The following VPS35L variants were observed in gnomAD, a reference collection of about 807,000 sequenced individuals.
The protein encoded by VPS35L is VPS35 endosomal protein-sorting factor-like.
A neutral mutation model predicts 133.0 loss-of-function variants in VPS35L; 83 were observed. The observed-to-expected ratio is 0.62, with a 90% CI of 0.52 to 0.75. The LOEUF (loss-of-function observed/expected upper bound fraction) is 0.75, where lower values mean the gene tolerates loss of function less well. Ranked by LOEUF, VPS35L falls within the 30% of genes least tolerant of loss-of-function variation. VPS35L has a pLI of 0.00. For missense variants in VPS35L, 1,083 were observed against 1,206.8 expected, an observed-to-expected ratio of 0.90 and a Z score of 1.52; for synonymous variants, 423 against 449.9, an observed-to-expected ratio of 0.94 and a Z score of 0.76.
intron 7 of VPS35L, among the ~76,000 whole-genome samples, chr16:19,589,507 A>T (rs1597335025): frequency 6.6e-6 from 1 of 152,078 alleles, no homozygotes; most frequent in African/African-American, 2.4e-5. Context: ...AGCCTCCCAA[A>T]GTGCTGGGAT....
At chr16:19,636,284 T>G (rs1419296061) in intron 19 of VPS35L, among the ~76,000 whole-genome samples, 1 of 152,202 alleles carries the variant, frequency 6.6e-6, no homozygotes, top group Non-Finnish European at 1.5e-5. Flanking sequence ...ATAAAGTAAA[T>G]GTATTAAATT....
chr16:19,648,891 A>C (rs1974037424), intron 24 of VPS35L, among the ~76,000 whole-genome samples: 1 of 150,870 alleles, frequency 6.6e-6, no homozygotes, highest in African/African-American at 2.5e-5. Flanking sequence ...AAAAAAAAAA[A>C]AAAAAGTTAG....
At chr16:19,695,080 T>C (rs1342503076) in intron 29 of VPS35L, among the ~76,000 whole-genome samples, 1 of 152,120 alleles carries the variant, frequency 6.6e-6, no homozygotes, top group Non-Finnish European at 1.5e-5. Context: ...TGCTGCGGAT[T>C]CTGGGCGTAA....
chr16:19,682,599 C>T (rs775288315), intron 28 of VPS35L, among the ~76,000 whole-genome samples: 3 of 152,322 alleles, frequency 2.0e-5, no homozygotes, highest in Non-Finnish European at 2.9e-5. Flanking sequence ...CAGTGGCCCA[C>T]GCCTGTAATC....
intron 2 of VPS35L, among the ~76,000 whole-genome samples, chr16:19,566,258 G>A (rs1425011187): frequency 6.6e-6 from 1 of 152,182 alleles, no homozygotes; most frequent in Non-Finnish European, 1.5e-5. Context: ...CACTTTGGGA[G>A]GCTGAAGTGG....
Position 19,581,524 on chromosome 16 carries a change from G to C in VPS35L, c.511-1G>C. ...CTTCACCTTCTGCCTTCTCCCCACA[G>C]GGTTCCCAAAAGGAGCTGTTGAACT... is the stretch of plus-strand genomic sequence containing the variant. On this transcript the variant is annotated splice_acceptor_variant, in intron 6 of 30. Transcript: ENST00000417362. LOFTEE classifies it high-confidence loss of function. 1 of 1,595,952 alleles carries C rather than the reference G, an allele frequency of 6.3e-7. No individual in the cohort carries two copies. Among genetic ancestry groups the C allele is most frequent in the South Asian group, 1.1e-5 (1 of 88,832 alleles).
At chr16:19,595,971 T>C (rs373406229) in intron 8 of VPS35L, among the ~76,000 whole-genome samples, 20 of 152,038 alleles carry the variant, frequency 1.3e-4, no homozygotes, top group Non-Finnish European at 1.9e-4. Context: ...TGGTGAAACC[T>C]CGTCTCTACT....
In VPS35L at chr16:19,573,165, G is replaced by C; in HGVS notation, c.332G>C (p.Gly111Ala). 5 of 1,613,944 alleles carry C rather than the reference G, an allele frequency of 3.1e-6. No individual in the cohort carries two copies. Among genetic ancestry groups the C allele is most frequent in the Middle Eastern group, 1.7e-4 (1 of 6,060 alleles). ...KRDRDDNSVV[G>A]SDFEPWTNKR... Reference sequence around the variant, plus strand: ...GATAGAGATGATAACTCCGTTGTAGGATCGGATTTTGAGCCTTGGACCAAC... The same window carrying C: ...GATAGAGATGATAACTCCGTTGTAGCATCGGATTTTGAGCCTTGGACCAAC... Residue 111 changes from glycine to alanine, a missense_variant, in exon 4 of 31, where the codon GGA becomes GCA. Coordinates refer to ENST00000417362, the MANE Select transcript of VPS35L (RefSeq NM_020314.7).
At chr16:19,562,160 TC>T (rs966798060) in intron 1 of VPS35L, among the ~76,000 whole-genome samples, 25 of 152,214 alleles carry the variant, frequency 1.6e-4, no homozygotes, top group Admixed American at 1.6e-3. Context: ...CAGGCTTTAT[TC>T]CGGGGGGCTA....
intron 1 of VPS35L, among the ~76,000 whole-genome samples, chr16:19,557,898 A>G (rs1970911995): frequency 6.6e-6 from 1 of 152,084 alleles, no homozygotes; most frequent in Non-Finnish European, 1.5e-5. Flanking sequence ...CAAAAATACA[A>G]AAAGTAGCCA....
At chr16:19,567,328 A>G (rs1384792442) in intron 2 of VPS35L, among the ~76,000 whole-genome samples, 2 of 152,166 alleles carry the variant, frequency 1.3e-5, no homozygotes, top group East Asian at 3.9e-4. Context: ...TCATTGACCC[A>G]GTTTTGTTAT....
At position 19,601,953 on chromosome 16, in the gene VPS35L, T is replaced by C. The variant is rs1265892374; in HGVS notation, c.784+230T>C. Among the ~76,000 whole-genome samples the C allele has an allele frequency of 2.6e-5, 4 of 152,278 alleles. No individual in the cohort carries two copies. In the East Asian group the frequency reaches 7.7e-4, roughly 29 times the overall value. Reference sequence around the variant, plus strand: ...CAAGTCATTTGAATCTGCAAAGGCCTCACAGTTAGATTCAGCCAAACTTTC... The same window carrying C: ...CAAGTCATTTGAATCTGCAAAGGCCCCACAGTTAGATTCAGCCAAACTTTC... On this transcript the variant is annotated intron_variant, in intron 9 of 30. Transcript: ENST00000417362.
At chr16:19,611,698 G>A (rs1349426347) in intron 12 of VPS35L, 2 of 151,992 alleles carry the variant, frequency 1.3e-5, no homozygotes, top group Non-Finnish European at 2.9e-5. Context: ...AAAGCCTTTC[G>A]TTTAAGGGCA....
At chr16:19,580,563 G>A (rs573480571) in intron 6 of VPS35L, among the ~76,000 whole-genome samples, 6 of 152,228 alleles carry the variant, frequency 3.9e-5, no homozygotes, top group Admixed American at 1.3e-4. Context: ...CAGGGTTAAG[G>A]AGCATTTACT....
intron 27 of VPS35L, among the ~76,000 whole-genome samples, chr16:19,673,944 G>T (rs771165218): frequency 6.6e-6 from 1 of 152,160 alleles, no homozygotes; most frequent in Non-Finnish European, 1.5e-5. Flanking sequence ...CGTTTGCAGT[G>T]TGCCTTATTT....
intron 7 of VPS35L, among the ~76,000 whole-genome samples, chr16:19,585,578 T>G (rs1971839270): frequency 6.6e-6 from 1 of 151,836 alleles, no homozygotes; most frequent in South Asian, 2.1e-4. Flanking sequence ...ATTTAAAATT[T>G]TTTTTTTGTA....
At chr16:19,693,270 T>C (rs1381834693) in intron 29 of VPS35L, among the ~76,000 whole-genome samples, 3 of 151,324 alleles carry the variant, frequency 2.0e-5, no homozygotes, top group Non-Finnish European at 4.4e-5. Context: ...GGGAAGGGTA[T>C]GTGGATGTGT....
chr16:19,648,874 CAAAAAA>C (rs552677405), intron 24 of VPS35L, among the ~76,000 whole-genome samples: 1 of 91,850 alleles, frequency 1.1e-5, no homozygotes. Flanking sequence ...GACTCCATCT[CAAAAAA>C]AAAAAAAAAA....
chr16:19,691,471 G>C lies in VPS35L; in HGVS notation c.2646G>C (p.Glu882Asp). The change falls in exon 29 of 31, where the codon GAG (glutamate) becomes GAC (aspartate). Residue 882 changes from glutamate to aspartate, a missense_variant and splice_region_variant. By Grantham distance (45) the Glu-to-Asp change is conservative (BLOSUM62 2). Coordinates refer to ENST00000417362, the MANE Select transcript of VPS35L (RefSeq NM_020314.7). Reference protein sequence around the residue: ...LEHLKTLAKDEALKRQSSLGL... With the variant: ...LEHLKTLAKDDALKRQSSLGL... Reference sequence around the variant, plus strand: ...ATCTGAAAACCCTGGCCAAGGACGAGGTGGGTGCCCTCTGCTGTCCTCCAC... The same window carrying C: ...ATCTGAAAACCCTGGCCAAGGACGACGTGGGTGCCCTCTGCTGTCCTCCAC... 6.2e-7 allele frequency: 1 copy of C among 1,611,646 alleles called. No individual in the cohort carries two copies. The highest frequency in any genetic ancestry group is 8.5e-7 in the Non-Finnish European group (1 of 1,177,806).
Sources: gnomAD v4.1 joint callset for allele counts (sites outside exome capture counted in the v4.1 genomes callset) on GRCh38, gnomAD v4.1.1 for gene constraint, MANE v1.5 for transcripts, NCBI Gene and HGNC (gene_info 2026-07-23, HGNC 2026-07-21) for gene names.